The following WNK1 variants were observed in gnomAD, a reference collection of about 807,000 sequenced individuals.
WNK1 encodes the protein WNK lysine deficient protein kinase 1.
In WNK1, 38 loss-of-function variants were observed where a neutral mutation model predicts 222.8. The ratio of observed to expected loss-of-function variants is 0.17; its 90% CI spans 0.13 to 0.22. WNK1 has a LOEUF of 0.22. Among genes scored for constraint, WNK1 ranks in the 10% least tolerant of loss-of-function variants. The pLI is 1.00. For missense variants in WNK1, 2,348 were observed against 2,918.4 expected, an observed-to-expected ratio of 0.80 and a Z score of 4.50; for synonymous variants, 1,090 against 1,092.9, an observed-to-expected ratio of 1.00 and a Z score of 0.05.
chr12:907,185 G>T (rs1488777736), intron 26 of WNK1, among the ~76,000 whole-genome samples: 1 of 151,994 alleles, frequency 6.6e-6, no homozygotes, highest in Admixed American at 6.6e-5. Flanking sequence ...ACTGGGCATG[G>T]TGGTGCACAC....
At chr12:907,659 T>C (rs1214439996) in intron 26 of WNK1, 188 bp from the exon 27 acceptor site, 1 of 720,606 alleles carries the variant, frequency 1.4e-6, no homozygotes, top group East Asian at 2.6e-5. Context: ...AGAGAAACTG[T>C]TTTCATCACC....
chr12:859,016 C>G (rs1950994058), intron 5 of WNK1, among the ~76,000 whole-genome samples: 1 of 152,148 alleles, frequency 6.6e-6, no homozygotes, highest in African/African-American at 2.4e-5. Context: ...AAAATTATCA[C>G]TGTCAGCTCT....
intron 1 of WNK1, among the ~76,000 whole-genome samples, chr12:808,184 A>G (rs1432607071): frequency 6.6e-6 from 1 of 152,164 alleles, no homozygotes; most frequent in Non-Finnish European, 1.5e-5. Flanking sequence ...AATTTAATCT[A>G]CTTTAATAAA....
At chr12:879,471 T>TTCTTTTTGGCTAATACA in intron 10 of WNK1, 102 bp from the exon 11 acceptor site, 2 of 749,698 alleles carry the variant, frequency 2.7e-6, no homozygotes, top group Non-Finnish European at 4.1e-6. Flanking sequence ...TGTTTTTTCC[T>TTCTTTTTGGCTAATACA]TCTTTTTGGC....
At chr12:764,869 G>A (rs988565234) in intron 1 of WNK1, among the ~76,000 whole-genome samples, 1 of 147,394 alleles carries the variant, frequency 6.8e-6, no homozygotes, top group Non-Finnish European at 1.5e-5. Flanking sequence ...TGGCTATTTC[G>A]CTCTTGCCAC....
chr12:798,047 G>A (rs1945497295), intron 1 of WNK1, among the ~76,000 whole-genome samples: 1 of 151,878 alleles, frequency 6.6e-6, no homozygotes. Context: ...TTTTAAAAAT[G>A]TCTAAAAGTG....
In WNK1 at chr12:827,488, C is replaced by A; in HGVS notation, c.1153+226C>A. 1.7e-6 allele frequency: 1 copy of A among 581,748 alleles called. No individual in the cohort carries two copies. The highest frequency in any genetic ancestry group is 2.3e-5 in the South Asian group (1 of 44,266). 36.0% of individuals were successfully genotyped at this position (581,748 alleles called of 1,614,324 possible). A position where few individuals can be genotyped will look rare whatever the true frequency, so the allele number is the denominator to read the frequency against. ...ATTACGTTACAAGAAATAAAGTGAA[C>A]TTTGTTGATAAAACCTAATGTAATA... On this transcript the variant is annotated intron_variant, in intron 3 of 27. Transcript: ENST00000315939. The surrounding 1 kb of genome is among the most constrained non-coding windows in gnomAD (Gnocchi z 4.6).
At chr12:830,251 A>G in intron 4 of WNK1, 91 bp downstream of exon 4, 1 of 1,425,140 alleles carries the variant, frequency 7.0e-7, no homozygotes, top group Non-Finnish European at 9.8e-7. Flanking sequence ...AAAGAGGACA[A>G]TAGTGGAAGG....
At chr12:841,449 T>C (rs921994738) in intron 4 of WNK1, among the ~76,000 whole-genome samples, 3 of 152,252 alleles carry the variant, frequency 2.0e-5, no homozygotes, top group African/African-American at 7.2e-5. Context: ...TACTTTTTAA[T>C]AGTTAAATAA....
At chr12:895,259 A>G (rs1001722593) in intron 23 of WNK1, among the ~76,000 whole-genome samples, 1 of 152,048 alleles carries the variant, frequency 6.6e-6, no homozygotes, top group African/African-American at 2.4e-5. Flanking sequence ...CTGAGTTTGT[A>G]TTTGTAAATA....
At chr12:860,004 C>T (rs531748453) in intron 6 of WNK1, among the ~76,000 whole-genome samples, 2 of 152,080 alleles carry the variant, frequency 1.3e-5, no homozygotes, top group African/African-American at 4.8e-5. Flanking sequence ...GTGTGAGCCA[C>T]TTCGCCCGGC....
At chr12:772,832 T>G (rs1230070021) in intron 1 of WNK1, among the ~76,000 whole-genome samples, 1 of 152,224 alleles carries the variant, frequency 6.6e-6, no homozygotes, top group East Asian at 1.9e-4. Context: ...TTCAGAGATT[T>G]GCAAGAAAGT....
At chr12:824,019 A>G (rs1003757008) in intron 2 of WNK1, among the ~76,000 whole-genome samples, 9 of 149,154 alleles carry the variant, frequency 6.0e-5, no homozygotes, top group African/African-American at 2.0e-4. Context: ...CGATTCTCCA[A>G]CCTCAGCCTC....
intron 26 of WNK1, chr12:906,867 T>A: frequency 1.7e-6 from 1 of 588,558 alleles, no homozygotes; most frequent in Non-Finnish European, 2.1e-6. Context: ...AGATTCTGTC[T>A]ATATAAAAAA....
rs1386497864 is a variant in WNK1, at chr12:900,573, A to G, written c.6546A>G (p.Leu2182=). 5 of 1,614,092 alleles carry G rather than the reference A, an allele frequency of 3.1e-6. No homozygotes were observed. In the African/African-American group the frequency reaches 6.7e-5, roughly 22 times the overall value. Residue 2182 remains leucine (L), a synonymous_variant, in exon 26 of 28, where the codon TTA becomes TTG. Transcript: ENST00000315939. ...CAGAGTCCGGGCAGAATCAGCTGTTACAGCCCCTTAAGCCATCTCCCTCCA... is the reference window on the plus strand; with the variant it reads ...CAGAGTCCGGGCAGAATCAGCTGTTGCAGCCCCTTAAGCCATCTCCCTCCA... ...NIPESGQNQL[L]QPLKPSPSSD... is the part of the protein sequence containing the mutation.
chr12:766,986 AG>A (rs1185545640), intron 1 of WNK1, among the ~76,000 whole-genome samples: 1 of 151,682 alleles, frequency 6.6e-6, no homozygotes, highest in African/African-American at 2.4e-5. Context: ...CATGTTGGCC[AG>A]GCTGATCTTG....
chr12:850,958 T>C (rs1388615628), intron 4 of WNK1, among the ~76,000 whole-genome samples: 2 of 152,190 alleles, frequency 1.3e-5, no homozygotes, highest in Non-Finnish European at 2.9e-5. Context: ...TACCATGCTG[T>C]TTTGGTTACT....
In WNK1 at chr12:884,589, A is replaced by G. The variant is rs1953490711; in HGVS notation, c.3845-60A>G. The G allele has an allele frequency of 5.2e-6, 8 of 1,537,726 alleles. No individual in the cohort carries two copies. In the South Asian group the frequency reaches 9.0e-5, roughly 17 times the overall value. On this transcript the variant is annotated intron_variant, in intron 18 of 27. Transcript: ENST00000315939. This position sits in a 1 kb window ranked among gnomAD's most constrained non-coding sequence, Gnocchi z 5.6. ...AGGAGCTGACTTAGGCTAGCAGACA[A>G]TCTTTTGAATCCATCCTTTTAAAAT...
In WNK1 at chr12:857,318, C is replaced by T. The variant is rs985010887; in HGVS notation, c.1400+69C>T. ...AAAAAGTAATGTGCTTTGAGTACAA[C>T]ACACATTCTACGGTGTATTTAATAT... is the stretch of plus-strand genomic sequence containing the variant. On this transcript the variant is annotated intron_variant, in intron 5 of 27. Transcript: ENST00000315939. 11 of 1,288,638 alleles carry T rather than the reference C, an allele frequency of 8.5e-6. No individual in the cohort carries two copies. The African/African-American group carries it at 1.3e-4, about 15-fold the overall frequency. 79.8% of individuals were successfully genotyped at this position (1,288,638 alleles called of 1,614,324 possible).
Sources: allele counts gnomAD v4.1 joint callset (sites outside exome capture counted in the v4.1 genomes callset), GRCh38; gene constraint gnomAD v4.1.1; non-coding constraint Gnocchi (gnomAD v3.1); transcripts MANE v1.5; gene names NCBI Gene and HGNC (gene_info 2026-07-23, HGNC 2026-07-21).